Variants in GRID1 observed in about 807,000 individuals in gnomAD.
The protein encoded by GRID1 is glutamate receptor ionotropic, delta-1.
Under a neutral mutation model 98.0 loss-of-function variants are expected in GRID1, and 28 were observed. The ratio of observed to expected loss-of-function variants is 0.29; its 90% CI spans 0.21 to 0.39. The LOEUF is 0.39. GRID1 is among the 10% of genes least tolerant of loss of function. GRID1 has a pLI of 1.00. For missense variants in GRID1, 1,111 were observed against 1,340.5 expected (o/e 0.83, Z 2.67); for synonymous variants, 553 against 538.5 (o/e 1.03, Z -0.37).
chr10:85,929,078 G>C (rs1457334754), intron 4 of GRID1, among the ~76,000 whole-genome samples: 2 of 152,138 alleles, frequency 1.3e-5, no homozygotes, highest in East Asian at 3.9e-4. Context: ...AATGCTATGG[G>C]GGCAGGTTCC....
intron 12 of GRID1, among the ~76,000 whole-genome samples, chr10:85,704,171 G>A (rs1391642135): frequency 1.3e-5 from 2 of 152,078 alleles, no homozygotes; most frequent in Non-Finnish European, 2.9e-5. Context: ...GACACAGACT[G>A]GCAAATTGGA....
chr10:85,737,688 A>T (rs11201761), intron 8 of GRID1, among the ~76,000 whole-genome samples: 37,546 of 86,650 alleles, frequency 0.43, 7,260 homozygotes, highest in African/African-American at 0.61. Flanking sequence ...ATATATGGTT[A>T]TATATATATA....
Position 86,366,124 on chromosome 10 carries a change from G to A in GRID1, c.79+190C>T, listed in dbSNP as rs547521985. Reference sequence around the variant, plus strand: ...CGCGGAGATCGGAGCCCCGGGGAGCGGCAAGCAGCCAGCGGGAGCGCGGCG... The same window carrying A: ...CGCGGAGATCGGAGCCCCGGGGAGCAGCAAGCAGCCAGCGGGAGCGCGGCG... On this transcript the variant is annotated intron_variant, in intron 1 of 15. Coordinates refer to ENST00000327946, the MANE Select transcript of GRID1 (RefSeq NM_017551.3). The surrounding 1 kb of genome is among the most constrained non-coding windows in gnomAD (Gnocchi z 4.1). Among the ~76,000 whole-genome samples, 1,593 of 151,970 alleles carry A rather than the reference G, an allele frequency of 0.01. 28 individuals carry two copies. The highest frequency in any genetic ancestry group is 0.036 in the African/African-American group (1,495 of 41,514).
At chr10:85,657,500 G>T (rs192472264) in intron 12 of GRID1, among the ~76,000 whole-genome samples, 99 of 152,328 alleles carry the variant, frequency 6.5e-4, no homozygotes, top group African/African-American at 2.1e-3. Flanking sequence ...TTATATGTAT[G>T]AATCATATAT....
rs184769637 is a variant in GRID1, at chr10:85,670,626, C to T, written c.1998-23229G>A. On this transcript the variant is annotated intron_variant, in intron 12 of 15. Coordinates refer to ENST00000327946, the MANE Select transcript of GRID1 (RefSeq NM_017551.3). Reference sequence around the variant, plus strand: ...GAAACTGCGAGTTGCTTGAAGCCCCCTCATCTCAGGCCCTCCATCTTCATC... The same window carrying T: ...GAAACTGCGAGTTGCTTGAAGCCCCTTCATCTCAGGCCCTCCATCTTCATC... Among the ~76,000 whole-genome samples the T allele has an allele frequency of 2.6e-5, 4 of 152,226 alleles. No homozygotes were observed. In the East Asian group the frequency reaches 7.7e-4, roughly 29 times the overall value.
At chr10:86,191,225 G>C (rs1160664990) in intron 3 of GRID1, among the ~76,000 whole-genome samples, 1 of 152,180 alleles carries the variant, frequency 6.6e-6, no homozygotes, top group Non-Finnish European at 1.5e-5. Flanking sequence ...GATGCACAGA[G>C]GGCATCTGTG....
At chr10:86,147,011 A>G (rs1208978593) in intron 3 of GRID1, among the ~76,000 whole-genome samples, 3 of 152,316 alleles carry the variant, frequency 2.0e-5, no homozygotes, top group East Asian at 3.9e-4. Context: ...GGCCTCCCCC[A>G]TCATAGGGTG....
intron 5 of GRID1, among the ~76,000 whole-genome samples, chr10:85,901,813 G>A (rs771298682): frequency 5.9e-5 from 9 of 152,122 alleles, no homozygotes; most frequent in East Asian, 1.9e-4. Context: ...TGCAAACACC[G>A]TCTCCACAGG....
At chr10:85,801,094 T>C (rs1842572707) in intron 8 of GRID1, among the ~76,000 whole-genome samples, 1 of 151,662 alleles carries the variant, frequency 6.6e-6, no homozygotes, top group African/African-American at 2.4e-5. Context: ...AACAACAGAG[T>C]AAAAACTAAA....
At chr10:85,850,144 G>A (rs1272747633) in intron 8 of GRID1, among the ~76,000 whole-genome samples, 1 of 152,186 alleles carries the variant, frequency 6.6e-6, no homozygotes, top group Non-Finnish European at 1.5e-5. Context: ...CAAAGGGCCT[G>A]CGAGCAGTTG....
chr10:85,628,950 A>G (rs1460284733), intron 13 of GRID1, among the ~76,000 whole-genome samples: 1 of 152,174 alleles, frequency 6.6e-6, no homozygotes, highest in Non-Finnish European at 1.5e-5. Flanking sequence ...ACATGAGGGC[A>G]GCCCTTAGCT....
chr10:85,633,307 A>G (rs1040873552), intron 13 of GRID1, among the ~76,000 whole-genome samples: 1 of 152,292 alleles, frequency 6.6e-6, no homozygotes, highest in East Asian at 1.9e-4. Context: ...GGAGCCCATT[A>G]ATTTTCCCAA....
At chr10:85,614,728 G>C (rs943031581) in intron 14 of GRID1, among the ~76,000 whole-genome samples, 1 of 152,180 alleles carries the variant, frequency 6.6e-6, no homozygotes, top group South Asian at 2.1e-4. Context: ...GCAGAGCCCA[G>C]AACACAGGCT....
intron 2 of GRID1, among the ~76,000 whole-genome samples, chr10:86,361,983 A>C (rs567902752): frequency 3.3e-5 from 5 of 152,310 alleles, no homozygotes; most frequent in African/African-American, 1.2e-4. Flanking sequence ...TGCTGATGGG[A>C]GCGGACGGGC....
At chr10:85,944,257 A>T (rs1289758621) in intron 4 of GRID1, among the ~76,000 whole-genome samples, 1 of 152,216 alleles carries the variant, frequency 6.6e-6, no homozygotes, top group East Asian at 1.9e-4. Context: ...TAGGCCACTA[A>T]GGTTTGGGGT....
intron 4 of GRID1, among the ~76,000 whole-genome samples, chr10:85,963,204 G>C (rs933559461): frequency 6.6e-6 from 1 of 150,408 alleles, no homozygotes; most frequent in African/African-American, 2.4e-5. Flanking sequence ...ACATCTTTCA[G>C]CCAAAAAAAA....
intron 8 of GRID1, among the ~76,000 whole-genome samples, chr10:85,736,168 A>C (rs1216420550): frequency 7.5e-6 from 1 of 132,878 alleles, no homozygotes. Context: ...AGGGAGGGAC[A>C]CAGGAAGAAA....
chr10:85,623,841 G>C (rs181143244), intron 13 of GRID1, among the ~76,000 whole-genome samples: 16 of 152,228 alleles, frequency 1.1e-4, no homozygotes, highest in African/African-American at 3.4e-4. Context: ...ACTCTTTTCT[G>C]TTGAGGATGT....
At chr10:86,144,301 A>C (rs1845053939) in intron 3 of GRID1, among the ~76,000 whole-genome samples, 1 of 152,166 alleles carries the variant, frequency 6.6e-6, no homozygotes, top group Non-Finnish European at 1.5e-5. Context: ...TAGGAAGAAC[A>C]TTCCAGGAGA....
Sources: gnomAD v4.1 joint callset for allele counts (sites outside exome capture counted in the v4.1 genomes callset) on GRCh38, gnomAD v4.1.1 for gene constraint, Gnocchi (gnomAD v3.1) non-coding constraint, MANE v1.5 for transcripts, NCBI Gene and HGNC (gene_info 2026-07-23, HGNC 2026-07-21) for gene names.